Variants in RPL18A observed in about 807,000 individuals in gnomAD.
RPL18A encodes the protein large ribosomal subunit protein eL20.
For synonymous variants in RPL18A, 122 were observed against 96.9 expected, an observed-to-expected ratio of 1.26 and a Z score of -1.52; for missense variants, 163 against 254.1, an observed-to-expected ratio of 0.64 and a Z score of 2.44.
At chr19:17,861,629 C>T in intron 2 of RPL18A, 157 bp downstream of exon 2, 2 of 646,762 alleles carry the variant, frequency 3.1e-6, no homozygotes, top group East Asian at 5.6e-5. Flanking sequence ...GTGTTTCTGC[C>T]TGGGTCACGG....
At chr19:17,860,220 G>T in intron 1 of RPL18A, 1 of 504,836 alleles carries the variant, frequency 2.0e-6, no homozygotes, top group Non-Finnish European at 3.4e-6. Flanking sequence ...TTCTTCCCGG[G>T]GGAAGGAATA....
In RPL18A at chr19:17,863,301, C is replaced by T. The variant is rs778751529; in HGVS notation, c.*38C>T. On this transcript the variant is annotated 3_prime_UTR_variant, in exon 5 of 5. Coordinates refer to ENST00000222247, the MANE Select transcript of RPL18A (RefSeq NM_000980.4). ...CGTCCGGGTGTGCCCCAAATAAACT[C>T]AGGAACGCCCCGGTGCTCGCCGCAT... The T allele has an allele frequency of 2.8e-5, 38 of 1,341,174 alleles. No individual in the cohort carries two copies. Among genetic ancestry groups the T allele is most frequent in the Admixed American group, 3.7e-5 (2 of 54,464 alleles). The allele number at this position is 1,341,174 out of a possible 1,614,324, so 83.1% of individuals were successfully genotyped here.
Position 17,859,921 on chromosome 19 carries a change from CCTTTTGCG to C in RPL18A, c.-35_-28del. ...AACGGCTGCGCGACAGAGGACACTT[CCTTTTGCG>C]GGTGGCGGCGAACGCGGAGAGCACG... On this transcript the variant is annotated 5_prime_UTR_variant, in exon 1 of 5. Coordinates refer to ENST00000222247, the MANE Select transcript of RPL18A (RefSeq NM_000980.4). 6.5e-7 allele frequency: 1 copy of C among 1,543,722 alleles called. No homozygotes were observed. The highest frequency in any genetic ancestry group is 8.7e-7 in the Non-Finnish European group (1 of 1,145,180).
chr19:17,860,431 G>T, intron 1 of RPL18A: 2 of 162,942 alleles, frequency 1.2e-5, no homozygotes, highest in East Asian at 1.8e-4. Flanking sequence ...ATACTGGATA[G>T]AATCAAACGG....
intron 1 of RPL18A, chr19:17,860,382 G>T (rs1568413441): frequency 1.8e-5 from 4 of 226,994 alleles, no homozygotes; most frequent in East Asian, 2.5e-4. Flanking sequence ...TGCTAACAGT[G>T]AGCCGAAACG....
chr19:17,863,074 G>C (rs745689787), intron 4 of RPL18A, 47 bp downstream of exon 4: 1 of 1,562,582 alleles, frequency 6.4e-7, no homozygotes, highest in East Asian at 2.3e-5. Flanking sequence ...CTGCTCTGAC[G>C]CAGGAGCCCA....
chr19:17,863,124 G>A (rs775242123), intron 4 of RPL18A, 47 bp from the exon 5 acceptor site: 2 of 1,559,842 alleles, frequency 1.3e-6, no homozygotes, highest in South Asian at 2.2e-5. Flanking sequence ...ACAGGATGGG[G>A]TGTTAAGAGG....
intron 1 of RPL18A, 161 bp downstream of exon 1, chr19:17,860,135 G>A (rs752051219): frequency 6.5e-6 from 4 of 614,996 alleles, no homozygotes; most frequent in Non-Finnish European, 7.9e-6. Flanking sequence ...GGCGGCCATC[G>A]TGGGAGCCGC....
intron 3 of RPL18A, 173 bp from the exon 4 acceptor site, chr19:17,862,745 C>G: frequency 1.3e-6 from 1 of 763,328 alleles, no homozygotes; most frequent in East Asian, 2.4e-5. Context: ...CTGCAGGGAC[C>G]CAGGCCTTGG....
At position 17,863,269 on chromosome 19, in the gene RPL18A, G is replaced by A. The variant is rs1056964007; in HGVS notation, c.*6G>A. On this transcript the variant is annotated 3_prime_UTR_variant, in exon 5 of 5. Coordinates refer to ENST00000222247, the MANE Select transcript of RPL18A (RefSeq NM_000980.4). ...GGCCCAACACCTTCTTCTAGGTGCA[G>A]GGCCCTCGTCCGGGTGTGCCCCAAA... 1.3e-6 allele frequency: 2 copies of A among 1,551,276 alleles called. No individual in the cohort carries two copies. Among genetic ancestry groups the A allele is most frequent in the Non-Finnish European group, 1.8e-6 (2 of 1,126,728 alleles).
chr19:17,862,049 A>C, intron 2 of RPL18A, 45 bp from the exon 3 acceptor site: 1 of 1,603,226 alleles, frequency 6.2e-7, no homozygotes, highest in South Asian at 1.1e-5. Flanking sequence ...GCTAGGGCAC[A>C]TCGGCTTGCT....
chr19:17,863,134 G>A, intron 4 of RPL18A, 37 bp from the exon 5 acceptor site: 1 of 1,578,430 alleles, frequency 6.3e-7, no homozygotes, highest in Middle Eastern at 1.7e-4. Context: ...GTGTTAAGAG[G>A]CTTCCAACCC....
rs576423082 is a variant in RPL18A at position 17,860,156 on chromosome 19, C to T, written c.18+182C>T. On this transcript the variant is annotated intron_variant, in intron 1 of 4. Transcript: ENST00000222247. ...CATCGTGGGAGCCGCGTGGAGAGAGCGATGCGTGACCTGGGCCAGCTCAGG... is the reference window on the plus strand; with the variant it reads ...CATCGTGGGAGCCGCGTGGAGAGAGTGATGCGTGACCTGGGCCAGCTCAGG... The T allele has an allele frequency of 1.5e-4, 84 of 555,602 alleles. No individual in the cohort carries two copies. In the African/African-American group the frequency reaches 1.6e-3, roughly 11 times the overall value. 34.4% of individuals were successfully genotyped at this position (555,602 alleles called of 1,614,324 possible). A position where few individuals can be genotyped will look rare whatever the true frequency, so the allele number is the denominator to read the frequency against.
At chr19:17,862,331 G>T in intron 3 of RPL18A, 108 bp downstream of exon 3, 1 of 1,367,088 alleles carries the variant, frequency 7.3e-7, no homozygotes, top group Non-Finnish European at 1.0e-6. Flanking sequence ...CAGGACTGGT[G>T]GCGGGGCACA....
At chr19:17,861,751 T>C (rs554632132) in intron 2 of RPL18A, 2 of 548,398 alleles carry the variant, frequency 3.6e-6, no homozygotes, top group East Asian at 3.1e-5. Context: ...CTGGGCCCTG[T>C]CTGTTAAGTG....
rs923626485 is a variant in RPL18A at position 17,860,111 on chromosome 19, G to A, written c.18+137G>A. On this transcript the variant is annotated intron_variant, in intron 1 of 4. Transcript: ENST00000222247. ...CCTTGGCCGCGCGCCGCCTTCTCTTGTTGCACCCAACATGGCGGCCATCGT... is the reference window on the plus strand; with the variant it reads ...CCTTGGCCGCGCGCCGCCTTCTCTTATTGCACCCAACATGGCGGCCATCGT... The A allele has an allele frequency of 1.5e-5, 11 of 725,710 alleles. No individual in the cohort carries two copies. The East Asian group carries it at 2.3e-4, about 15-fold the overall frequency. The allele number at this position is 725,710 out of a possible 1,614,324, so 45.0% of individuals were successfully genotyped here. A position where few individuals can be genotyped will look rare whatever the true frequency, so the allele number is the denominator to read the frequency against.
At chr19:17,860,161 C>CGT (rs1359632006) in intron 1 of RPL18A, 187 bp downstream of exon 1, 1 of 549,950 alleles carries the variant, frequency 1.8e-6, no homozygotes, top group African/African-American at 2.0e-5. Context: ...GAGAGCGATG[C>CGT]GTGACCTGGG....
At chr19:17,863,148 C>G (rs761161779) in intron 4 of RPL18A, 23 bp from the exon 5 acceptor site, 3 of 1,600,684 alleles carry the variant, frequency 1.9e-6, no homozygotes, top group Non-Finnish European at 1.7e-6. Flanking sequence ...CCAACCCCCT[C>G]AACATGCCTC....
chr19:17,862,388 G>T, intron 3 of RPL18A, 165 bp downstream of exon 3: 2 of 801,208 alleles, frequency 2.5e-6, no homozygotes, highest in Non-Finnish European at 4.0e-6. Context: ...TTTTCTGAGA[G>T]CCCTGCCAGG....
Sources: allele counts gnomAD v4.1 joint callset, GRCh38; gene constraint gnomAD v4.1.1; transcripts MANE v1.5; gene names NCBI Gene and HGNC (gene_info 2026-07-23, HGNC 2026-07-21).